The following EPHB2 variants were observed in gnomAD, a reference collection of about 807,000 sequenced individuals.
EPHB2 encodes ephrin type-B receptor 2.
In EPHB2, 18 loss-of-function variants were observed where a neutral mutation model predicts 96.4. The observed-to-expected ratio is 0.19, with a 90% confidence interval of 0.13 to 0.28. The LOEUF is 0.28. Among genes scored for constraint, EPHB2 ranks in the 10% least tolerant of loss-of-function variants. EPHB2 has a pLI of 1.00. For missense variants in EPHB2, 989 were observed against 1,355.4 expected, an observed-to-expected ratio of 0.73 and a Z score of 4.25; for synonymous variants, 506 against 534.1, an observed-to-expected ratio of 0.95 and a Z score of 0.72.
At chr1:22,803,117 A>G (rs1161933526) in intron 3 of EPHB2, among the ~76,000 whole-genome samples, 1 of 152,172 alleles carries the variant, frequency 6.6e-6, no homozygotes, top group African/African-American at 2.4e-5. Flanking sequence ...GGCTCTGGCT[A>G]TCCTAACCTG....
At chr1:22,832,862 C>G (rs1171920179) in intron 3 of EPHB2, among the ~76,000 whole-genome samples, 1 of 144,480 alleles carries the variant, frequency 6.9e-6, no homozygotes. Context: ...TACAAAGGGA[C>G]AGATAGGTGT....
chr1:22,750,673 T>C (rs1203103135), intron 1 of EPHB2, among the ~76,000 whole-genome samples: 1 of 152,250 alleles, frequency 6.6e-6, no homozygotes, highest in Non-Finnish European at 1.5e-5. Flanking sequence ...GGAGCTGGAA[T>C]GCCAGGACAT....
chr1:22,727,966 A>G (rs1228707902), intron 1 of EPHB2, among the ~76,000 whole-genome samples: 1 of 152,042 alleles, frequency 6.6e-6, no homozygotes, highest in Non-Finnish European at 1.5e-5. Flanking sequence ...AGTATTTAAC[A>G]TCTGCCTCTA....
At chr1:22,823,173 A>C (rs1254951850) in intron 3 of EPHB2, among the ~76,000 whole-genome samples, 1 of 152,182 alleles carries the variant, frequency 6.6e-6, no homozygotes, top group South Asian at 2.1e-4. Flanking sequence ...ACGGCTCCCA[A>C]AAAGCACCCT....
intron 2 of EPHB2, among the ~76,000 whole-genome samples, chr1:22,783,904 T>C (rs945953729): frequency 2.0e-5 from 3 of 152,216 alleles, no homozygotes; most frequent in African/African-American, 7.2e-5. Context: ...TAGGCGTTCA[T>C]TGAGGATGAG....
At chr1:22,900,253 C>A (rs1639708090) in intron 9 of EPHB2, among the ~76,000 whole-genome samples, 1 of 152,102 alleles carries the variant, frequency 6.6e-6, no homozygotes, top group Admixed American at 6.5e-5. Flanking sequence ...GAGATCACGT[C>A]ACTGCACTCC....
chr1:22,757,958 G>C (rs574688161), intron 1 of EPHB2, among the ~76,000 whole-genome samples: 1 of 128,216 alleles, frequency 7.8e-6, no homozygotes, highest in Non-Finnish European at 1.6e-5. Flanking sequence ...TCGCTCTGTT[G>C]CCCAGGCTGG....
chr1:22,723,019 C>A (rs1207179619), intron 1 of EPHB2, among the ~76,000 whole-genome samples: 1 of 152,190 alleles, frequency 6.6e-6, no homozygotes, highest in Non-Finnish European at 1.5e-5. Flanking sequence ...GAGAATGGGG[C>A]ATGCCAAGCA....
At chr1:22,842,665 C>T (rs1645486620) in intron 3 of EPHB2, among the ~76,000 whole-genome samples, 2 of 152,200 alleles carry the variant, frequency 1.3e-5, no homozygotes, top group South Asian at 4.1e-4. Flanking sequence ...GTTTTGGCTC[C>T]TTCCTCCTGC....
intron 1 of EPHB2, among the ~76,000 whole-genome samples, chr1:22,741,643 G>A (rs1439229345): frequency 3.0e-5 from 4 of 134,766 alleles, no homozygotes; most frequent in African/African-American, 1.1e-4. Context: ...GGGAAGGCGG[G>A]TTATATTTGC....
intron 6 of EPHB2, among the ~76,000 whole-genome samples, chr1:22,886,657 G>A (rs977225693): frequency 6.8e-5 from 9 of 132,958 alleles, no homozygotes; most frequent in Non-Finnish European, 1.2e-4. Flanking sequence ...ACAGAGTTTC[G>A]CACTTGTTGC....
chr1:22,777,039 C>T (rs1252958676), intron 1 of EPHB2, among the ~76,000 whole-genome samples: 4 of 152,186 alleles, frequency 2.6e-5, no homozygotes, highest in South Asian at 2.1e-4. Context: ...GCACCCGTGG[C>T]TGCAGAGCTT....
At chr1:22,821,834 C>G (rs1440211649) in intron 3 of EPHB2, among the ~76,000 whole-genome samples, 1 of 152,116 alleles carries the variant, frequency 6.6e-6, no homozygotes, top group Admixed American at 6.5e-5. Flanking sequence ...CTTTCCTGCT[C>G]GGACAGTCAG....
chr1:22,854,708 C>T (rs979667650), intron 3 of EPHB2, among the ~76,000 whole-genome samples: 1 of 151,844 alleles, frequency 6.6e-6, no homozygotes, highest in South Asian at 2.1e-4. Flanking sequence ...CAGCACTGGG[C>T]ACATCCTAGG....
At chr1:22,806,929 A>G (rs1338622075) in intron 3 of EPHB2, among the ~76,000 whole-genome samples, 1 of 149,742 alleles carries the variant, frequency 6.7e-6, no homozygotes, top group African/African-American at 2.5e-5. Context: ...AGAGACACAC[A>G]GAGGTGCCTT....
At chr1:22,898,743 T>C (rs1355424462) in intron 9 of EPHB2, among the ~76,000 whole-genome samples, 1 of 151,824 alleles carries the variant, frequency 6.6e-6, no homozygotes, top group Non-Finnish European at 1.5e-5. Context: ...CCAGACCGAG[T>C]GGCAGGGAGA....
intron 1 of EPHB2, among the ~76,000 whole-genome samples, chr1:22,720,114 A>T (rs1267229572): frequency 6.6e-6 from 1 of 152,128 alleles, no homozygotes; most frequent in Non-Finnish European, 1.5e-5. Context: ...GCTAGTCTAG[A>T]CTGCGCCTCT....
rs770602002 is a variant in EPHB2, at chr1:22,865,228, G to T, written c.1303+16G>T. On this transcript the variant is annotated intron_variant, in intron 5 of 15. Coordinates refer to ENST00000374630, the MANE Select transcript of EPHB2 (RefSeq NM_017449.5). ...AACCAGGCAGGTAAGTGCTTCCGAC[G>T]TGGGCCAGGGGAGTGCCCCATCGCG... 1 of 1,614,138 alleles carries T rather than the reference G, an allele frequency of 6.2e-7. No homozygotes were observed.
In EPHB2 at chr1:22,753,660, G is replaced by C. The variant is rs556187820; in HGVS notation, c.62-27761G>C. Among the ~76,000 whole-genome samples, 6 of 152,270 alleles carry C rather than the reference G, an allele frequency of 3.9e-5. No homozygotes were observed. In the East Asian group the frequency reaches 5.8e-4, roughly 15 times the overall value. ...CTTTGGCTGTGCCCAGGCTGCCTGT[G>C]GGGGAGAGGCAGGAGATGAGGCTGC... On this transcript the variant is annotated intron_variant, in intron 1 of 15. Transcript: ENST00000374630.
Sources: gnomAD v4.1 joint callset for allele counts (sites outside exome capture counted in the v4.1 genomes callset) on GRCh38, gnomAD v4.1.1 for gene constraint, MANE v1.5 for transcripts, NCBI Gene and HGNC (gene_info 2026-07-23, HGNC 2026-07-21) for gene names.